Variants in GPC3 observed in about 807,000 individuals in gnomAD.
The protein encoded by GPC3 is glypican 3, also known as glypican-3.
Under a neutral mutation model 34.4 loss-of-function variants are expected in GPC3, and 3 were observed. That is an observed-to-expected ratio of 0.09 (90% confidence interval 0.04 to 0.23). The LOEUF (loss-of-function observed/expected upper bound fraction) is 0.23, where lower values mean the gene tolerates loss of function less well. GPC3 is among the 10% of genes least tolerant of loss of function. The pLI is 1.00. For synonymous variants in GPC3, 177 were observed against 174.0 expected, an observed-to-expected ratio of 1.02 and a Z score of -0.13; for missense variants, 351 against 445.6, an observed-to-expected ratio of 0.79 and a Z score of 1.91.
intron 5 of GPC3, among the ~76,000 whole-genome samples, chrX:133,682,507 C>T (rs892917284): frequency 1.8e-5 from 2 of 111,726 alleles, no homozygotes; most frequent in Non-Finnish European, 3.8e-5. Context: ...GTAATGACAA[C>T]ATCAACACCA....
chrX:133,665,079 T>C (rs991607864), intron 5 of GPC3, among the ~76,000 whole-genome samples: 3 of 112,401 alleles, frequency 2.7e-5, no homozygotes, highest in Non-Finnish European at 5.6e-5. Flanking sequence ...ATTTGTAATA[T>C]TTTGTTAATA....
At position 133,921,942 on chromosome X, in the gene GPC3, T is replaced by C. The variant is rs923601759; in HGVS notation, c.337+31108A>G. ...CCGCAACAATGAGGGACCTCTGACGTCTTTTGCTCTGGCAGTAGTCTGGTT... is the reference window on the plus strand; with the variant it reads ...CCGCAACAATGAGGGACCTCTGACGCCTTTTGCTCTGGCAGTAGTCTGGTT... On this transcript the variant is annotated intron_variant, in intron 2 of 7. Coordinates refer to ENST00000370818, the MANE Select transcript of GPC3 (RefSeq NM_004484.4). Among the ~76,000 whole-genome samples the C allele has an allele frequency of 8.0e-5, 9 of 112,295 alleles. No individual in the cohort carries two copies. The East Asian group carries it at 1.4e-3, about 18-fold the overall frequency.
Position 133,636,420 on chromosome X carries a change from G to A in GPC3, c.1413+25310C>T, listed in dbSNP as rs142804055. 6.4e-3 allele frequency among the ~76,000 whole-genome samples: 717 copies of A among 112,401 alleles called. 8 individuals carry two copies. Among genetic ancestry groups the A allele is most frequent in the African/African-American group, 0.021 (663 of 30,940 alleles). ...AATGGCTCACACCTGTAATCCCAAC[G>A]CTTTGGGAGGCCAAGGCAGGTGGAT... On this transcript the variant is annotated intron_variant, in intron 6 of 7. Coordinates refer to ENST00000370818, the MANE Select transcript of GPC3 (RefSeq NM_004484.4).
chrX:133,736,393 T>C (rs1255261972), intron 3 of GPC3, among the ~76,000 whole-genome samples: 1 of 111,763 alleles, frequency 8.9e-6, no homozygotes, highest in Non-Finnish European at 1.9e-5. Context: ...CCAAGAGAGA[T>C]GAAACATACA....
intron 2 of GPC3, chrX:133,762,782 G>T: frequency 2.2e-6 from 1 of 463,483 alleles, no homozygotes; most frequent in Admixed American, 2.8e-5. Flanking sequence ...CTAACTCAGA[G>T]GAAAACTTTC....
At chrX:133,748,727 G>C (rs2124476223) in intron 3 of GPC3, among the ~76,000 whole-genome samples, 1 of 112,054 alleles carries the variant, frequency 8.9e-6, no homozygotes, top group Non-Finnish European at 1.9e-5. Context: ...GTAAGAAAGA[G>C]TACTGGACTG....
intron 2 of GPC3, among the ~76,000 whole-genome samples, chrX:133,867,288 G>A (rs2075972551): frequency 9.0e-6 from 1 of 111,191 alleles, no homozygotes; most frequent in African/African-American, 3.3e-5. Context: ...ATCACTATCA[G>A]GTCTAGCAAT....
At chrX:133,957,617 T>C (rs1468103829) in intron 1 of GPC3, among the ~76,000 whole-genome samples, 1 of 111,544 alleles carries the variant, frequency 9.0e-6, no homozygotes, top group Non-Finnish European at 1.9e-5. Context: ...CAAAAGCAGA[T>C]GACTAAGGAG....
At chrX:133,725,657 AT>A (rs1342877654) in intron 3 of GPC3, among the ~76,000 whole-genome samples, 1 of 112,202 alleles carries the variant, frequency 8.9e-6, no homozygotes, top group Non-Finnish European at 1.9e-5. Context: ...GTTATTGTGA[AT>A]ATGACCAAAC....
At chrX:133,643,832 T>G (rs1488195944) in intron 6 of GPC3, among the ~76,000 whole-genome samples, 1 of 93,578 alleles carries the variant, frequency 1.1e-5, no homozygotes, top group Admixed American at 1.1e-4. Flanking sequence ...TGTTTTTATG[T>G]TTTTTTTTTT....
chrX:133,821,697 A>G (rs1023149991), intron 2 of GPC3, among the ~76,000 whole-genome samples: 2 of 111,903 alleles, frequency 1.8e-5, no homozygotes, highest in African/African-American at 3.3e-5. Context: ...GGGCCTGAAA[A>G]TTATGGTAGA....
At chrX:133,603,754 A>T (rs2070014447) in intron 6 of GPC3, among the ~76,000 whole-genome samples, 1 of 111,587 alleles carries the variant, frequency 9.0e-6, no homozygotes, top group Non-Finnish European at 1.9e-5. Context: ...AAACACAATG[A>T]AAGGGAAAAA....
intron 2 of GPC3, among the ~76,000 whole-genome samples, chrX:133,860,228 A>G (rs1450593293): frequency 3.6e-5 from 4 of 111,685 alleles, no homozygotes; most frequent in Non-Finnish European, 7.5e-5. Context: ...TATCATAGCA[A>G]ATACTTTAAA....
intron 1 of GPC3, among the ~76,000 whole-genome samples, chrX:133,983,570 C>T (rs1312431350): frequency 3.6e-5 from 4 of 111,976 alleles, no homozygotes; most frequent in Non-Finnish European, 7.5e-5. Context: ...CCTTTTTCTT[C>T]TTTTGGGCAC....
chrX:133,957,687 T>C (rs1267371420), intron 1 of GPC3, among the ~76,000 whole-genome samples: 2 of 111,286 alleles, frequency 1.8e-5, no homozygotes, highest in Non-Finnish European at 3.8e-5. Flanking sequence ...ATTCAAGAAA[T>C]AAGATGCCAC....
At chrX:133,861,946 T>C (rs1260555399) in intron 2 of GPC3, among the ~76,000 whole-genome samples, 1 of 112,115 alleles carries the variant, frequency 8.9e-6, no homozygotes, top group Non-Finnish European at 1.9e-5. Context: ...TACTTCTTTA[T>C]AGCAATGCAA....
intron 6 of GPC3, among the ~76,000 whole-genome samples, chrX:133,613,464 G>T (rs2070130559): frequency 8.9e-6 from 1 of 112,023 alleles, no homozygotes; most frequent in Non-Finnish European, 1.9e-5. Flanking sequence ...ACAGTATTAT[G>T]GAAAGAGGCT....
intron 6 of GPC3, among the ~76,000 whole-genome samples, chrX:133,610,390 T>C (rs1167597477): frequency 9.0e-6 from 1 of 110,991 alleles, no homozygotes; most frequent in Non-Finnish European, 1.9e-5. Context: ...GGACAGCTTA[T>C]AACAGGCTAT....
At chrX:133,930,471 C>G (rs772242739) in intron 2 of GPC3, among the ~76,000 whole-genome samples, 24 of 112,076 alleles carry the variant, frequency 2.1e-4, no homozygotes, top group African/African-American at 7.4e-4. Context: ...AAAATAGGGA[C>G]TATGTGTCTC....
Sources: allele counts gnomAD v4.1 joint callset (sites outside exome capture counted in the v4.1 genomes callset), GRCh38; gene constraint gnomAD v4.1.1; transcripts MANE v1.5; gene names NCBI Gene and HGNC (gene_info 2026-07-23, HGNC 2026-07-21).